The following CRPPA variants were observed in gnomAD, a reference collection of about 807,000 sequenced individuals.
CRPPA encodes the protein CDP-L-ribitol pyrophosphorylase A, also known as D-ribitol-5-phosphate cytidylyltransferase.
CRPPA carries 43 observed loss-of-function variants against 52.0 expected under a neutral mutation model. That is an observed-to-expected ratio of 0.83 (90% CI 0.65 to 1.07). The LOEUF (loss-of-function observed/expected upper bound fraction) is 1.07. Among genes scored for constraint, CRPPA ranks in the 50% least tolerant of loss-of-function variants. CRPPA has a pLI of 0.00. For missense variants in CRPPA, 629 were observed against 551.7 expected (o/e 1.14, Z -1.40); for synonymous variants, 250 against 203.5 (o/e 1.23, Z -1.94).
intron 3 of CRPPA, among the ~76,000 whole-genome samples, chr7:16,337,876 C>T (rs1785727030): frequency 6.6e-6 from 1 of 152,038 alleles, no homozygotes; most frequent in African/African-American, 2.4e-5. Flanking sequence ...CCAGAAAAGC[C>T]CAGAACCAGA....
At chr7:16,199,236 G>A (rs1781799182) in intron 9 of CRPPA, among the ~76,000 whole-genome samples, 1 of 151,948 alleles carries the variant, frequency 6.6e-6, no homozygotes, top group South Asian at 2.1e-4. Context: ...ACCCCTTCAT[G>A]CTCCCTTAAA....
At chr7:16,396,223 G>T (rs975188530) in intron 2 of CRPPA, among the ~76,000 whole-genome samples, 3 of 152,172 alleles carry the variant, frequency 2.0e-5, no homozygotes, top group Non-Finnish European at 4.4e-5. Flanking sequence ...CATGAATAAA[G>T]CCTGACCTGA....
At chr7:16,394,152 C>A (rs925457230) in intron 2 of CRPPA, among the ~76,000 whole-genome samples, 4 of 151,990 alleles carry the variant, frequency 2.6e-5, no homozygotes, top group African/African-American at 9.7e-5. Flanking sequence ...CATGTCAGAA[C>A]TGTAGAGAAA....
chr7:16,154,104 A>T (rs533408183), intron 9 of CRPPA, among the ~76,000 whole-genome samples: 1 of 151,202 alleles, frequency 6.6e-6, no homozygotes, highest in South Asian at 2.1e-4. Context: ...AAATAACCTG[A>T]CGTTAGCAGC....
At chr7:16,157,919 G>C (rs1200860327) in intron 9 of CRPPA, among the ~76,000 whole-genome samples, 1 of 151,278 alleles carries the variant, frequency 6.6e-6, no homozygotes, top group African/African-American at 2.4e-5. Context: ...CTGTCGCCCA[G>C]GCTGGAATAG....
chr7:16,215,076 CT>C (rs1333954368), intron 9 of CRPPA, among the ~76,000 whole-genome samples: 1 of 152,154 alleles, frequency 6.6e-6, no homozygotes, highest in African/African-American at 2.4e-5. Flanking sequence ...AAAGATGGTC[CT>C]TATATTTAAT....
At chr7:16,269,757 C>G (rs1482010035) in intron 6 of CRPPA, 1 of 152,124 alleles carries the variant, frequency 6.6e-6, no homozygotes, top group East Asian at 1.9e-4. Context: ...ACTAGAACAA[C>G]AGAATAACCT....
At chr7:16,091,956 A>G (rs1314036334) in intron 9 of CRPPA, among the ~76,000 whole-genome samples, 157 bp from the exon 10 acceptor site, 5 of 152,254 alleles carry the variant, frequency 3.3e-5, no homozygotes, top group Non-Finnish European at 7.3e-5. Context: ...CCCCGAATAA[A>G]GAGGAAATAC....
chr7:16,117,482 T>A (rs1213977190), intron 9 of CRPPA, among the ~76,000 whole-genome samples: 1 of 152,236 alleles, frequency 6.6e-6, no homozygotes, highest in Non-Finnish European at 1.5e-5. Context: ...CCAGGCCATC[T>A]TGCTGTCAGG....
At chr7:16,211,542 T>C (rs1473249737) in intron 9 of CRPPA, among the ~76,000 whole-genome samples, 1 of 152,280 alleles carries the variant, frequency 6.6e-6, no homozygotes, top group East Asian at 1.9e-4. Flanking sequence ...TTGCAGAAAG[T>C]TGAACTTCTA....
At chr7:16,313,086 G>C (rs1341771430) in intron 3 of CRPPA, among the ~76,000 whole-genome samples, 1 of 151,874 alleles carries the variant, frequency 6.6e-6, no homozygotes, top group African/African-American at 2.4e-5. Flanking sequence ...TAGCATCACA[G>C]AATGAGTTAA....
chr7:16,137,406 G>A (rs949403108), intron 9 of CRPPA, among the ~76,000 whole-genome samples: 2 of 152,068 alleles, frequency 1.3e-5, no homozygotes, highest in African/African-American at 4.8e-5. Flanking sequence ...AGACACCTCA[G>A]GAAAGAAGTA....
chr7:16,268,568 T>C (rs1784015107), intron 6 of CRPPA, among the ~76,000 whole-genome samples: 1 of 152,318 alleles, frequency 6.6e-6, no homozygotes, highest in African/African-American at 2.4e-5. Context: ...ATACATTGTT[T>C]AGCTTAGAGG....
rs563401802 is a variant in CRPPA at position 16,195,671 on chromosome 7, G to A, written c.1251+20395C>T. On this transcript the variant is annotated intron_variant, in intron 9 of 9. Coordinates refer to ENST00000407010, the MANE Select transcript of CRPPA (RefSeq NM_001101426.4). The stretch of plus-strand genomic sequence containing the variant: ...GGCTGTGGCTGCTCCATCAAAAAAA[G>A]CTTCTTTCCTTTCATATGACTTCTT... 3.3e-5 allele frequency among the ~76,000 whole-genome samples: 5 copies of A among 152,202 alleles called. No individual in the cohort carries two copies. The East Asian group carries it at 5.8e-4, about 18-fold the overall frequency.
intron 9 of CRPPA, among the ~76,000 whole-genome samples, chr7:16,177,348 A>G (rs1330571408): frequency 6.6e-6 from 1 of 152,166 alleles, no homozygotes; most frequent in African/African-American, 2.4e-5. Flanking sequence ...AAAAGGAATG[A>G]AGTATATAAT....
At chr7:16,398,369 C>A (rs1410723078) in intron 2 of CRPPA, among the ~76,000 whole-genome samples, 2 of 119,368 alleles carry the variant, frequency 1.7e-5, no homozygotes, top group East Asian at 2.6e-4. Flanking sequence ...AGAGGCAAGA[C>A]CAGGGCATGA....
chr7:16,211,603 C>T (rs1013778496), intron 9 of CRPPA, among the ~76,000 whole-genome samples: 4 of 152,090 alleles, frequency 2.6e-5, no homozygotes, highest in Admixed American at 6.6e-5. Flanking sequence ...TTCTGCTAAC[C>T]GACAGCATAC....
In CRPPA at chr7:16,117,118, C is replaced by T. The variant is rs370829526; in HGVS notation, c.1252-25319G>A. 2.6e-4 allele frequency among the ~76,000 whole-genome samples: 39 copies of T among 152,268 alleles called. No individual in the cohort carries two copies. The East Asian group carries it at 5.2e-3, about 20-fold the overall frequency. The stretch of plus-strand genomic sequence containing the variant: ...ACAGATTTTTCCCTTAAAAAGATGT[C>T]AACTTGGAAAATGATGGATTTTAAA... On this transcript the variant is annotated intron_variant, in intron 9 of 9. Coordinates refer to ENST00000407010, the MANE Select transcript of CRPPA (RefSeq NM_001101426.4).
chr7:16,154,457 A>T (rs1014810008), intron 9 of CRPPA, among the ~76,000 whole-genome samples: 1 of 152,008 alleles, frequency 6.6e-6, no homozygotes. Flanking sequence ...TAAGGACTTG[A>T]TTTCCCTCAT....
Sources: gnomAD v4.1 joint callset for allele counts (sites outside exome capture counted in the v4.1 genomes callset) on GRCh38, gnomAD v4.1.1 for gene constraint, MANE v1.5 for transcripts, NCBI Gene and HGNC (gene_info 2026-07-23, HGNC 2026-07-21) for gene names.